Variants in RTL1 observed in about 807,000 individuals in gnomAD.
RTL1 encodes the protein retrotransposon-like protein 1.
For missense variants in RTL1, 1,681 were observed against 1,767.5 expected, an observed-to-expected ratio of 0.95 and a Z score of 0.88; for synonymous variants, 727 against 748.4, an observed-to-expected ratio of 0.97 and a Z score of 0.47.
At position 100,884,674 on chromosome 14, in the gene RTL1, T is replaced by G. The variant is rs186046088; in HGVS notation, c.115A>C (p.Ser39Arg). ...SSNTTEATSGSGVRGEAGPAS... is the reference protein window; with the variant it reads ...SSNTTEATSGRGVRGEAGPAS... ...GGCCCTGCCTCTCCCCGCACTCCAC[T>G]GCCCGACGTCGCCTCGGTGGTGTTG... Residue 39 changes from serine to arginine, a missense_variant, in exon 4 of 4, where the codon AGT becomes CGT. Physicochemically the swap from Ser to Arg is moderately radical, Grantham distance 110 (BLOSUM62 -1). Coordinates refer to ENST00000649591, the MANE Select transcript of RTL1 (RefSeq NM_001134888.3). 4.6e-3 allele frequency: 7,501 copies of G among 1,613,770 alleles called. 22 individuals carry two copies. The highest frequency in any genetic ancestry group is 5.5e-3 in the Non-Finnish European group (6,476 of 1,179,994).
Position 100,881,011 on chromosome 14 carries a change from G to A in RTL1, c.3778C>T (p.Gln1260Ter). Residue 1260 changes from glutamine (Q) to a stop codon, truncating the protein, a stop_gained, in exon 4 of 4, where the codon CAG becomes TAG. Coordinates refer to ENST00000649591, the MANE Select transcript of RTL1 (RefSeq NM_001134888.3). LOFTEE classifies it low-confidence loss of function (END_TRUNC). The surrounding 1 kb of genome is among the most constrained non-coding windows in gnomAD (Gnocchi z 6.6). Reference protein sequence around the residue: ...DGLQDTSQDKQDNDVQEAPPS... With the variant: ...DGLQDTSQDK ...GGGGCCTCCTGCACGTCGTTGTCCT[G>A]CTTGTCCTGCGAGGTGTCTTGCAGG... 1.9e-6 allele frequency: 3 copies of A among 1,583,452 alleles called. No individual in the cohort carries two copies. The highest frequency in any genetic ancestry group is 2.6e-6 in the Non-Finnish European group (3 of 1,164,958).
At chr14:100,902,312 A>G (rs933753168) in intron 2 of RTL1, among the ~76,000 whole-genome samples, 1 of 151,890 alleles carries the variant, frequency 6.6e-6, no homozygotes, top group Non-Finnish European at 1.5e-5. Flanking sequence ...CAATACCCCC[A>G]CCAATGGTGG....
intron 3 of RTL1, among the ~76,000 whole-genome samples, chr14:100,891,401 G>A (rs528740933): frequency 6.6e-6 from 1 of 152,298 alleles, no homozygotes; most frequent in East Asian, 1.9e-4. Flanking sequence ...GAGGAACAGG[G>A]AGTTACAGTA....
chr14:100,880,834 T>C lies in RTL1; in HGVS notation c.3955A>G (p.Ser1319Gly), dbSNP rs1172410538. ...CTGTAGATCAGGGTCAGGAACTGGC[T>C]CAGGGCCCTGGCTGCCTGCTCCCGG... ...LSREQAARAL[S>G]QFLTLIYRRA... The change falls in exon 4 of 4, where the codon AGC becomes GGC. Residue 1319 changes from serine to glycine, a missense_variant. Physicochemically the swap from Ser to Gly is moderately conservative, Grantham distance 56. Coordinates refer to ENST00000649591, the MANE Select transcript of RTL1 (RefSeq NM_001134888.3). The C allele has an allele frequency of 5.2e-6, 8 of 1,550,502 alleles. No individual in the cohort carries two copies. The highest frequency in any genetic ancestry group is 7.0e-6 in the Non-Finnish European group (8 of 1,146,928).
In RTL1 at chr14:100,903,658, G is replaced by T. The variant is rs1342369541; in HGVS notation, c.-298C>A. Among the ~76,000 whole-genome samples, 1 of 152,152 alleles carries T rather than the reference G, an allele frequency of 6.6e-6. No individual in the cohort carries two copies. Among genetic ancestry groups the T allele is most frequent in the Non-Finnish European group, 1.5e-5 (1 of 68,012 alleles). On this transcript the variant is annotated 5_prime_UTR_variant, in exon 1 of 4. Transcript: ENST00000649591. ...AGGATGGAACCCCAGACTCTCCGAG[G>T]CTCCCCACCACACCCTGCTGCTGAA...
intron 3 of RTL1, among the ~76,000 whole-genome samples, chr14:100,887,974 C>T (rs762762561): frequency 7.9e-5 from 12 of 152,176 alleles, no homozygotes; most frequent in Non-Finnish European, 1.0e-4. Flanking sequence ...CCTCTGCTCA[C>T]GAGTGGTCTG....
In RTL1 at chr14:100,893,198, T is replaced by G. The variant is rs748176023; in HGVS notation, c.-87+246A>C. Among the ~76,000 whole-genome samples the G allele has an allele frequency of 2.8e-4, 42 of 152,132 alleles. No homozygotes were observed. The highest frequency in any genetic ancestry group is 5.6e-4 in the Non-Finnish European group (38 of 68,024). ...GTGCTTGCTGTCATTCCCAACTCAT[T>G]CTAGCTTATTTGGTGTTCGAGGAGG... On this transcript the variant is annotated intron_variant, in intron 3 of 3. Transcript: ENST00000649591. The surrounding 1 kb of genome is among the most constrained non-coding windows in gnomAD (Gnocchi z 4.2).
intron 3 of RTL1, among the ~76,000 whole-genome samples, chr14:100,890,516 T>C (rs1290217669): frequency 6.7e-6 from 1 of 149,424 alleles, no homozygotes; most frequent in East Asian, 2.0e-4. Context: ...GGCTGGGGGC[T>C]GAGGAGGAAG....
chr14:100,901,128 C>A (rs1410968732), intron 2 of RTL1, among the ~76,000 whole-genome samples: 1 of 152,190 alleles, frequency 6.6e-6, no homozygotes, highest in African/African-American at 2.4e-5. Context: ...TTGTCAGGAG[C>A]AGGACAATGA....
chr14:100,893,658 G>A lies in RTL1; in HGVS notation c.-148-153C>T, dbSNP rs2038812720. 6.6e-6 allele frequency among the ~76,000 whole-genome samples: 1 copy of A among 152,148 alleles called. No individual in the cohort carries two copies. Among genetic ancestry groups the A allele is most frequent in the Non-Finnish European group, 1.5e-5 (1 of 68,024 alleles). ...CTTTCTGTTGTGAGCTTTTTTCCAC[G>A]TGGCTACGTTGGGGACCTCCGTGAT... is the stretch of plus-strand genomic sequence containing the variant. On this transcript the variant is annotated intron_variant, in intron 2 of 3. Coordinates refer to ENST00000649591, the MANE Select transcript of RTL1 (RefSeq NM_001134888.3). The surrounding 1 kb of genome is among the most constrained non-coding windows in gnomAD (Gnocchi z 4.2).
chr14:100,881,184 A>G lies in RTL1; in HGVS notation c.3605T>C (p.Val1202Ala). 2 of 1,540,980 alleles carry G rather than the reference A, an allele frequency of 1.3e-6. No homozygotes were observed. Among genetic ancestry groups the G allele is most frequent in the South Asian group, 1.2e-5 (1 of 81,994 alleles). Residue 1202 changes from valine to alanine, a missense_variant, in exon 4 of 4, where the codon GTC (valine) becomes GCC (alanine). Transcript: ENST00000649591. The surrounding 1 kb of genome is among the most constrained non-coding windows in gnomAD (Gnocchi z 6.6). ...GTGGCCCTCCTGGGGGGTGACTCTGACACCGAAGAACTCACACAGCGTCAG... is the reference window on the plus strand; with the variant it reads ...GTGGCCCTCCTGGGGGGTGACTCTGGCACCGAAGAACTCACACAGCGTCAG... ...FWLTLCEFFG[V>A]RVTPQEGHLP... is the part of the protein sequence containing the mutation.
rs1422322426 is a variant in RTL1, at chr14:100,882,609, A to G, written c.2180T>C (p.Phe727Ser). 1 of 1,551,702 alleles carries G rather than the reference A, an allele frequency of 6.4e-7. No individual in the cohort carries two copies. The highest frequency in any genetic ancestry group is 1.2e-5 in the South Asian group (1 of 84,054). Residue 727 changes from phenylalanine (F) to serine (S), a missense_variant, in exon 4 of 4, where the codon TTT becomes TCT. Coordinates refer to ENST00000649591, the MANE Select transcript of RTL1 (RefSeq NM_001134888.3). Reference protein sequence around the residue: ...HFILKDMLGFFVLSYGQEVLI... With the variant: ...HFILKDMLGFSVLSYGQEVLI... ...GACTTCCTGGCCATAAGAAAGCACA[A>G]AGAACCCTAGCATGTCCTTTAGGAT... is the stretch of plus-strand genomic sequence containing the variant.
At chr14:100,892,339 G>A (rs1264053055) in intron 3 of RTL1, among the ~76,000 whole-genome samples, 1 of 152,204 alleles carries the variant, frequency 6.6e-6, no homozygotes, top group African/African-American at 2.4e-5. Context: ...GCAGATGAGA[G>A]GCTGGCTAAC....
chr14:100,902,635 T>C (rs1470486973), intron 2 of RTL1, among the ~76,000 whole-genome samples: 1 of 148,354 alleles, frequency 6.7e-6, no homozygotes, highest in East Asian at 1.9e-4. Flanking sequence ...GCAGCAGCAG[T>C]AGGCAGCCAC....
At chr14:100,899,999 G>A (rs1428440189) in intron 2 of RTL1, among the ~76,000 whole-genome samples, 1 of 152,224 alleles carries the variant, frequency 6.6e-6, no homozygotes, top group Non-Finnish European at 1.5e-5. Flanking sequence ...ATCTTCCCAG[G>A]GAAAAGTGTG....
At position 100,880,496 on chromosome 14, in the gene RTL1, C is replaced by T. The variant is rs142305840; in HGVS notation, c.*216G>A. ...CGGAGAACTCGTAGCCCAGGGCTGG[C>T]GCTGGGTCTCTGAGGACTGGGTAGT... On this transcript the variant is annotated 3_prime_UTR_variant, in exon 4 of 4. Transcript: ENST00000649591. The T allele has an allele frequency of 9.9e-6, 5 of 502,704 alleles. No homozygotes were observed. The highest frequency in any genetic ancestry group is 3.0e-4 in the East Asian group (2 of 6,620). 31.1% of individuals were successfully genotyped at this position (502,704 alleles called of 1,614,324 possible). A position where few individuals can be genotyped will look rare whatever the true frequency, so the allele number is the denominator to read the frequency against.
intron 3 of RTL1, among the ~76,000 whole-genome samples, chr14:100,890,076 A>G (rs922015062): frequency 4.6e-5 from 5 of 109,854 alleles, no homozygotes; most frequent in Non-Finnish European, 7.4e-5. Context: ...CCTTATTTGA[A>G]AAAAAAAAAA....
rs189881142 is a variant in RTL1 at position 100,884,711 on chromosome 14, G to A, written c.78C>T (p.Ser26=). ...KNPSSKQMES[S]EGSSNTTEAT... ...CCTCGGTGGTGTTGGATGAGCCCTC[G>A]GAGGACTCCATTTGTTTTGATGATG... The change falls in exon 4 of 4, where the codon TCC becomes TCT. Residue 26 remains serine (S), a synonymous_variant. Transcript: ENST00000649591. The A allele has an allele frequency of 6.2e-6, 10 of 1,612,760 alleles. No individual in the cohort carries two copies. The highest frequency in any genetic ancestry group is 1.7e-4 in the Middle Eastern group (1 of 5,962).
chr14:100,900,262 C>T (rs2038923681), intron 2 of RTL1, among the ~76,000 whole-genome samples: 1 of 152,216 alleles, frequency 6.6e-6, no homozygotes, highest in Non-Finnish European at 1.5e-5. Flanking sequence ...TCCTAAATTT[C>T]ACAGAAAATT....
Sources: gnomAD v4.1 joint callset for allele counts (sites outside exome capture counted in the v4.1 genomes callset) on GRCh38, gnomAD v4.1.1 for gene constraint, Gnocchi (gnomAD v3.1) non-coding constraint, MANE v1.5 for transcripts, NCBI Gene and HGNC (gene_info 2026-07-23, HGNC 2026-07-21) for gene names.